The following ITPR2 variants were observed in gnomAD, a reference collection of about 807,000 sequenced individuals.
ITPR2 encodes the protein inositol 1,4,5-trisphosphate receptor type 2.
In ITPR2, 207 loss-of-function variants were observed where a neutral mutation model predicts 317.1. That is an observed-to-expected ratio of 0.65 (90% CI 0.58 to 0.73). The LOEUF (loss-of-function observed/expected upper bound fraction) is 0.73, where lower values mean the gene tolerates loss of function less well. ITPR2 is among the 30% of genes least tolerant of loss of function. The pLI is 0.00. For synonymous variants in ITPR2, 1,156 were observed against 1,149.1 expected (o/e 1.01, Z -0.12); for missense variants, 2,613 against 3,284.0 (o/e 0.80, Z 4.99).
intron 35 of ITPR2, among the ~76,000 whole-genome samples, chr12:26,559,450 ACTT>A (rs1342979637): frequency 6.6e-6 from 1 of 152,208 alleles, no homozygotes; most frequent in African/African-American, 2.4e-5. Flanking sequence ...CATAGAGGGT[ACTT>A]CTCTTGCTGT....
intron 2 of ITPR2, among the ~76,000 whole-genome samples, chr12:26,779,234 C>T (rs1465332791): frequency 6.6e-6 from 1 of 152,158 alleles, no homozygotes; most frequent in East Asian, 1.9e-4. Flanking sequence ...TGGAGCAAGG[C>T]CCTGCCATCT....
At chr12:26,415,713 T>C (rs925202095) in intron 50 of ITPR2, among the ~76,000 whole-genome samples, 13 of 152,198 alleles carry the variant, frequency 8.5e-5, no homozygotes, top group African/African-American at 3.1e-4. Context: ...TAGCACAACA[T>C]ATAATGTGCA....
chr12:26,682,757 T>C, intron 11 of ITPR2, 84 bp from the exon 12 acceptor site: 2 of 781,198 alleles, frequency 2.6e-6, no homozygotes, highest in Non-Finnish European at 4.2e-6. Flanking sequence ...TCATATATTA[T>C]ATGAACATAA....
intron 8 of ITPR2, among the ~76,000 whole-genome samples, chr12:26,712,816 G>A (rs183764031): frequency 1.8e-4 from 28 of 152,330 alleles, no homozygotes; most frequent in African/African-American, 6.7e-4. Flanking sequence ...TTGGAAGGGA[G>A]GGTGTTTTTG....
chr12:26,733,526 T>C (rs75774313), intron 2 of ITPR2, among the ~76,000 whole-genome samples: 447 of 152,256 alleles, frequency 2.9e-3, no homozygotes, highest in Non-Finnish European at 5.2e-3. Context: ...AAATATACTA[T>C]GTGTATATAT....
rs1439071610 is a variant in ITPR2, at chr12:26,715,431, T to C, written c.723A>G (p.Arg241=). Residue 241 remains arginine (R), a synonymous_variant, in exon 8 of 57, where the codon AGA becomes AGG. Transcript: ENST00000381340. ...EDVLKGGDVV[R]LFHAEQEKFL... Reference sequence around the variant, plus strand: ...ACTTCTCTTGTTCCGCATGAAATAATCTAACAACGTCCCCCTAGCAAAAAG... The same window carrying C: ...ACTTCTCTTGTTCCGCATGAAATAACCTAACAACGTCCCCCTAGCAAAAAG... 2 of 1,613,018 alleles carry C rather than the reference T, an allele frequency of 1.2e-6. No homozygotes were observed. The highest frequency in any genetic ancestry group is 1.1e-5 in the South Asian group (1 of 90,990).
chr12:26,600,595 A>G (rs930174120), intron 28 of ITPR2, among the ~76,000 whole-genome samples: 4 of 151,000 alleles, frequency 2.6e-5, no homozygotes, highest in Non-Finnish European at 5.9e-5. Context: ...TATCTCCATC[A>G]TGCTGCTTCT....
chr12:26,443,316 C>T (rs191195650), intron 46 of ITPR2, among the ~76,000 whole-genome samples: 87 of 150,766 alleles, frequency 5.8e-4, no homozygotes, highest in African/African-American at 2.1e-3. Flanking sequence ...CTATTAATTA[C>T]AAAAAAAAAT....
chr12:26,408,505 G>A (rs1281144653), intron 52 of ITPR2, among the ~76,000 whole-genome samples: 1 of 152,154 alleles, frequency 6.6e-6, no homozygotes, highest in African/African-American at 2.4e-5. Flanking sequence ...ACAGAGCTGG[G>A]CAGCCAACCA....
At chr12:26,809,060 C>T (rs1384554409) in intron 1 of ITPR2, among the ~76,000 whole-genome samples, 4 of 152,172 alleles carry the variant, frequency 2.6e-5, no homozygotes, top group African/African-American at 4.8e-5. Flanking sequence ...GCATATGTTT[C>T]ATCCCTGCAC....
chr12:26,747,661 C>G (rs1270469248), intron 2 of ITPR2, among the ~76,000 whole-genome samples: 1 of 152,204 alleles, frequency 6.6e-6, no homozygotes, highest in East Asian at 1.9e-4. Flanking sequence ...CACCTCTCAG[C>G]AGAAGAACTG....
chr12:26,705,166 C>T (rs1250966456), intron 9 of ITPR2, among the ~76,000 whole-genome samples: 1 of 152,164 alleles, frequency 6.6e-6, no homozygotes, highest in Non-Finnish European at 1.5e-5. Context: ...AACTCTGCTT[C>T]CCCTTTTCAC....
chr12:26,651,857 G>C (rs2136891459), intron 21 of ITPR2, among the ~76,000 whole-genome samples: 1 of 152,268 alleles, frequency 6.6e-6, no homozygotes, highest in East Asian at 1.9e-4. Context: ...GTCCATCGAT[G>C]TTTCAGGTTT....
In ITPR2 at chr12:26,642,936, CCT is replaced by C. The variant is rs543171278; in HGVS notation, c.2741-10879_2741-10878del. Reference sequence around the variant, plus strand: ...AGAAGACAGCACTCAACTGCCAGCCCCTGTGTTTGTGTCCCCCCGAAATTCAT... The same window carrying C: ...AGAAGACAGCACTCAACTGCCAGCCCGTGTTTGTGTCCCCCCGAAATTCAT... On this transcript the variant is annotated intron_variant, in intron 21 of 56. Transcript: ENST00000381340. Among the ~76,000 whole-genome samples, 794 of 152,168 alleles carry C rather than the reference CCT, an allele frequency of 5.2e-3. 3 individuals carry two copies. Among genetic ancestry groups the C allele is most frequent in the African/African-American group, 0.019 (770 of 41,506 alleles).
chr12:26,724,636 G>A lies in ITPR2; in HGVS notation c.366+20C>T, dbSNP rs745688172. ...AAACTCCACATAAAATACTCACCTCGTTTAAGAGAAAATACTTACTTGTAT... is the reference window on the plus strand; with the variant it reads ...AAACTCCACATAAAATACTCACCTCATTTAAGAGAAAATACTTACTTGTAT... On this transcript the variant is annotated intron_variant, in intron 4 of 56. Transcript: ENST00000381340. 17 of 1,456,216 alleles carry A rather than the reference G, an allele frequency of 1.2e-5. 1 individual carries two copies. The South Asian group carries it at 1.3e-4, about 11-fold the overall frequency. The allele number at this position is 1,456,216 out of a possible 1,614,324, so 90.2% of individuals were successfully genotyped here. A position where few individuals can be genotyped will look rare whatever the true frequency, so the allele number is the denominator to read the frequency against.
intron 32 of ITPR2, among the ~76,000 whole-genome samples, chr12:26,591,743 C>G (rs1245524085): frequency 1.3e-5 from 2 of 151,258 alleles, no homozygotes; most frequent in Non-Finnish European, 1.5e-5. Context: ...GAGGCTGAGG[C>G]AGGAGATGGT....
At chr12:26,807,356 T>C (rs1950656575) in intron 1 of ITPR2, among the ~76,000 whole-genome samples, 1 of 152,226 alleles carries the variant, frequency 6.6e-6, no homozygotes, top group African/African-American at 2.4e-5. Flanking sequence ...ATTTCAACAA[T>C]ACCCATACAT....
At chr12:26,528,757 G>C (rs1046927975) in intron 37 of ITPR2, among the ~76,000 whole-genome samples, 10 of 152,200 alleles carry the variant, frequency 6.6e-5, no homozygotes, top group African/African-American at 2.4e-4. Context: ...ACACCTGGCA[G>C]GAATAGGAGT....
At chr12:26,744,938 CTG>C (rs1949293457) in intron 2 of ITPR2, among the ~76,000 whole-genome samples, 1 of 152,238 alleles carries the variant, frequency 6.6e-6, no homozygotes, top group Non-Finnish European at 1.5e-5. Flanking sequence ...TGCAGGCAAA[CTG>C]TTATGCACGT....
Sources: allele counts gnomAD v4.1 joint callset (sites outside exome capture counted in the v4.1 genomes callset), GRCh38; gene constraint gnomAD v4.1.1; transcripts MANE v1.5; gene names NCBI Gene and HGNC (gene_info 2026-07-23, HGNC 2026-07-21).